The following MLPH variants were observed in gnomAD, a reference collection of about 807,000 sequenced individuals.
MLPH encodes melanophilin.
Under a neutral mutation model 72.1 loss-of-function variants are expected in MLPH, and 51 were observed. The ratio of observed to expected loss-of-function variants is 0.71; its 90% CI spans 0.56 to 0.89. The LOEUF (loss-of-function observed/expected upper bound fraction) is 0.89, where lower values mean the gene tolerates loss of function less well. Ranked by LOEUF, MLPH falls within the 40% of genes least tolerant of loss-of-function variation. The pLI, the probability that MLPH is intolerant of heterozygous loss-of-function variation, is 0.00. For synonymous variants in MLPH, 301 were observed against 310.1 expected, an observed-to-expected ratio of 0.97 and a Z score of 0.31; for missense variants, 743 against 759.9, an observed-to-expected ratio of 0.98 and a Z score of 0.26.
chr2:237,545,184 A>G (rs796671529), intron 12 of MLPH, among the ~76,000 whole-genome samples: 94 of 3,332 alleles, frequency 0.028, 2 homozygotes, highest in Middle Eastern at 0.25. Context: ...TGGTGAGTGG[A>G]GGGCACAGTG....
rs966759468 is a variant in MLPH, at chr2:237,511,159, G to C, written c.445+58G>C. On this transcript the variant is annotated intron_variant, in intron 4 of 15. Transcript: ENST00000264605. ...TCCCAGGCATTTTAGGAATATTAAA[G>C]CAGGTTCCTTTGGAGTGTGCATGTG... 3 of 1,402,542 alleles carry C rather than the reference G, an allele frequency of 2.1e-6. No homozygotes were observed. In the African/African-American group the frequency reaches 4.2e-5, roughly 20 times the overall value. 86.9% of individuals were successfully genotyped at this position (1,402,542 alleles called of 1,614,324 possible).
intron 8 of MLPH, among the ~76,000 whole-genome samples, chr2:237,531,111 A>T (rs1230034526): frequency 6.6e-6 from 1 of 152,180 alleles, no homozygotes; most frequent in Non-Finnish European, 1.5e-5. Context: ...TCTGAGTCTT[A>T]TACCCTGGGA....
rs200034833 is a variant in MLPH, at chr2:237,518,623, C to T, written c.530C>T (p.Ala177Val). 4.1e-5 allele frequency: 66 copies of T among 1,613,312 alleles called. No individual in the cohort carries two copies. In the East Asian group the frequency reaches 1.2e-3, roughly 29 times the overall value. ...EDGEPGSEAQAQAQPFGSKKK... is the reference protein window; with the variant it reads ...EDGEPGSEAQVQAQPFGSKKK... ...GGAGAACCTGGCTCAGAGGCCCAGG[C>T]CCAGGCCCAGCCCTTTGGCAGCAAA... Residue 177 changes from alanine to valine, a missense_variant, in exon 5 of 16, where the codon GCC becomes GTC. Coordinates refer to ENST00000264605, the MANE Select transcript of MLPH (RefSeq NM_024101.7).
chr2:237,498,035 C>T (rs1239223250), intron 2 of MLPH, among the ~76,000 whole-genome samples: 2 of 152,190 alleles, frequency 1.3e-5, no homozygotes, highest in Non-Finnish European at 2.9e-5. Context: ...CCCGAGGAAA[C>T]TCAAGGCCAC....
In MLPH at chr2:237,536,627, A is replaced by G. The variant is rs531478353; in HGVS notation, c.1104+1980A>G. Among the ~76,000 whole-genome samples, 12 of 152,238 alleles carry G rather than the reference A, an allele frequency of 7.9e-5. No homozygotes were observed. The South Asian group carries it at 2.5e-3, about 32-fold the overall frequency. On this transcript the variant is annotated intron_variant, in intron 9 of 15. Coordinates refer to ENST00000264605, the MANE Select transcript of MLPH (RefSeq NM_024101.7). ...AGCGCCCCATCGGACCCCATGTCCCATATCCAGCCATCCAGCCCCCAGGCC... is the reference window on the plus strand; with the variant it reads ...AGCGCCCCATCGGACCCCATGTCCCGTATCCAGCCATCCAGCCCCCAGGCC...
chr2:237,538,180 C>T (rs74003104), intron 9 of MLPH, among the ~76,000 whole-genome samples: 20,457 of 152,204 alleles, frequency 0.13, 1,562 homozygotes, highest in African/African-American at 0.17. Context: ...TGCATTCCAT[C>T]TGGGAGAGGC....
At chr2:237,529,042 G>T (rs2080364682) in intron 8 of MLPH, among the ~76,000 whole-genome samples, 1 of 152,044 alleles carries the variant, frequency 6.6e-6, no homozygotes, top group Non-Finnish European at 1.5e-5. Context: ...TTAGCAGGCT[G>T]TATTATTATT....
Position 237,510,413 on chromosome 2 carries a change from G to T in MLPH, c.111-161G>T. 1.3e-6 allele frequency: 1 copy of T among 778,884 alleles called. No individual in the cohort carries two copies. Among genetic ancestry groups the T allele is most frequent in the East Asian group, 2.7e-5 (1 of 37,100 alleles). 48.2% of individuals were successfully genotyped at this position (778,884 alleles called of 1,614,324 possible). A position where few individuals can be genotyped will look rare whatever the true frequency, so the allele number is the denominator to read the frequency against. On this transcript the variant is annotated intron_variant, in intron 2 of 15. Coordinates refer to ENST00000264605, the MANE Select transcript of MLPH (RefSeq NM_024101.7). The surrounding 1 kb of genome is among the most constrained non-coding windows in gnomAD (Gnocchi z 4.4). ...CCCTCAAAACAAAGATGCCTGTGTG[G>T]CTTTGCCCAACGTTGGGTCACTGTT...
chr2:237,519,843 A>G (rs2080139977), intron 5 of MLPH, 67 bp from the exon 6 acceptor site: 3 of 1,607,540 alleles, frequency 1.9e-6, no homozygotes, highest in Admixed American at 3.3e-5. Context: ...GGGGAGGTGC[A>G]GGGTATTTGG....
Position 237,540,975 on chromosome 2 carries a change from G to A in MLPH, c.1446+18G>A. 6.3e-7 allele frequency: 1 copy of A among 1,590,952 alleles called. No individual in the cohort carries two copies. Among genetic ancestry groups the A allele is most frequent in the Non-Finnish European group, 8.5e-7 (1 of 1,169,686 alleles). ...AGAGCGAGGTAGCCCAGAAGGCACAGGGGAGCACTGAGTTCCACAAACACA... is the reference window on the plus strand; with the variant it reads ...AGAGCGAGGTAGCCCAGAAGGCACAAGGGAGCACTGAGTTCCACAAACACA... On this transcript the variant is annotated intron_variant, in intron 11 of 15. Transcript: ENST00000264605.
At chr2:237,525,828 T>C (rs772883711) in intron 7 of MLPH, 23 bp downstream of exon 7, 1 of 1,606,254 alleles carries the variant, frequency 6.2e-7, no homozygotes, top group South Asian at 1.1e-5. Context: ...GGCCAGGGTC[T>C]TCCTGATGGG....
intron 2 of MLPH, among the ~76,000 whole-genome samples, chr2:237,497,066 C>A (rs1045620341): frequency 1.3e-5 from 2 of 152,200 alleles, no homozygotes; most frequent in African/African-American, 4.8e-5. Context: ...CAGGATGAAG[C>A]TGTTCCACCT....
chr2:237,528,003 T>G (rs564463996), intron 8 of MLPH, among the ~76,000 whole-genome samples: 1 of 152,348 alleles, frequency 6.6e-6, no homozygotes, highest in South Asian at 2.1e-4. Flanking sequence ...TGGAGAACAC[T>G]GTGCTAAGTG....
chr2:237,551,220 T>G (rs2081033357), intron 14 of MLPH, among the ~76,000 whole-genome samples: 1 of 152,228 alleles, frequency 6.6e-6, no homozygotes, highest in Non-Finnish European at 1.5e-5. Context: ...AGTTAGGTGA[T>G]TCCCTCCACA....
chr2:237,490,773 T>C (rs958625757), intron 1 of MLPH, among the ~76,000 whole-genome samples: 2 of 152,180 alleles, frequency 1.3e-5, no homozygotes, highest in African/African-American at 4.8e-5. Context: ...AACCAGAAAG[T>C]GTGTGCTCTG....
At chr2:237,499,930 G>A (rs2106471758) in intron 2 of MLPH, among the ~76,000 whole-genome samples, 1 of 152,220 alleles carries the variant, frequency 6.6e-6, no homozygotes, top group South Asian at 2.1e-4. Flanking sequence ...ATTTTTTGTA[G>A]AGATGGGGTC....
intron 4 of MLPH, 102 bp downstream of exon 4, chr2:237,511,203 T>C (rs2079894619): frequency 8.0e-6 from 7 of 871,698 alleles, no homozygotes; most frequent in African/African-American, 4.9e-5. Context: ...CGTGTGTGTG[T>C]GCATGTGTGT....
intron 4 of MLPH, 200 bp downstream of exon 4, chr2:237,511,301 G>A: frequency 1.9e-6 from 1 of 517,458 alleles, no homozygotes; most frequent in Non-Finnish European, 3.5e-6. Context: ...TGTAGAGACA[G>A]GCATCTCACC....
intron 4 of MLPH, among the ~76,000 whole-genome samples, chr2:237,516,521 T>C (rs1314445414): frequency 6.6e-6 from 1 of 152,226 alleles, no homozygotes; most frequent in Non-Finnish European, 1.5e-5. Context: ...GACTTAGCTC[T>C]AGGCCTCATT....
Sources: allele counts gnomAD v4.1 joint callset (sites outside exome capture counted in the v4.1 genomes callset), GRCh38; gene constraint gnomAD v4.1.1; non-coding constraint Gnocchi (gnomAD v3.1); transcripts MANE v1.5; gene names NCBI Gene and HGNC (gene_info 2026-07-23, HGNC 2026-07-21).